The following FASTKD1 variants were observed in gnomAD, a reference collection of about 807,000 sequenced individuals.
FASTKD1 encodes FAST kinase domain-containing protein 1, mitochondrial.
Under a neutral mutation model 90.9 loss-of-function variants are expected in FASTKD1, and 94 were observed. That is an observed-to-expected ratio of 1.03 (90% confidence interval 0.88 to 1.23). FASTKD1 has a LOEUF of 1.23. Ranked by LOEUF, FASTKD1 falls within the 50% of genes most tolerant of loss-of-function variation. FASTKD1 has a pLI of 0.00. For synonymous variants in FASTKD1, 319 were observed against 345.8 expected (o/e 0.92, Z 0.86); for missense variants, 945 against 993.5 (o/e 0.95, Z 0.66).
intron 1 of FASTKD1, chr2:169,573,213 C>T (rs984390655): frequency 6.6e-6 from 1 of 152,174 alleles, no homozygotes; most frequent in African/African-American, 2.4e-5. Context: ...GAAAAAACGA[C>T]GCGACAGTAC....
chr2:169,569,070 T>G (rs1684120985), intron 3 of FASTKD1, 114 bp downstream of exon 3: 2 of 844,056 alleles, frequency 2.4e-6, no homozygotes, highest in Admixed American at 4.5e-5. Flanking sequence ...TTAAATACAT[T>G]TTTTTCAGTG....
intron 7 of FASTKD1, 140 bp downstream of exon 7, chr2:169,554,984 G>A (rs1683228438): frequency 1.4e-6 from 1 of 723,102 alleles, no homozygotes; most frequent in Non-Finnish European, 2.2e-6. Context: ...GCCACGGAGG[G>A]AGATAGTGTC....
intron 7 of FASTKD1, among the ~76,000 whole-genome samples, chr2:169,551,067 C>T (rs146495570): frequency 3.9e-5 from 6 of 152,232 alleles, no homozygotes; most frequent in African/African-American, 1.4e-4. Flanking sequence ...AACATACCCA[C>T]CAGAACAGCT....
At position 169,557,312 on chromosome 2, in the gene FASTKD1, A is replaced by C; in HGVS notation, c.972-15T>G. On this transcript the variant is annotated splice_polypyrimidine_tract_variant and intron_variant, in intron 5 of 14. Coordinates refer to ENST00000453153, the MANE Select transcript of FASTKD1 (RefSeq NM_024622.6). ...TTGATTTAAGTCTAGAAGCAAAAAA[A>C]AAAAAGTTTTTGGTTGAAAGACTGA... The C allele has an allele frequency of 6.6e-7, 1 of 1,514,412 alleles. No individual in the cohort carries two copies. Among genetic ancestry groups the C allele is most frequent in the East Asian group, 2.3e-5 (1 of 43,142 alleles). 93.8% of individuals were successfully genotyped at this position (1,514,412 alleles called of 1,614,324 possible).
chr2:169,542,180 A>G (rs534313849), intron 9 of FASTKD1, among the ~76,000 whole-genome samples: 1 of 152,022 alleles, frequency 6.6e-6, no homozygotes, highest in Admixed American at 6.6e-5. Flanking sequence ...GTTTATGTCA[A>G]TCTCCCCCTA....
chr2:169,562,071 AAAT>A lies in FASTKD1; in HGVS notation c.572+1151_572+1153del, dbSNP rs1184062524. Among the ~76,000 whole-genome samples, 10 of 120,948 alleles carry A rather than the reference AAAT, an allele frequency of 8.3e-5. 3 individuals are homozygous for A. The highest frequency in any genetic ancestry group is 7.3e-4 in the South Asian group (3 of 4,130). 79.3% of individuals were successfully genotyped at this position (120,948 alleles called of 152,430 possible). A position where few individuals can be genotyped will look rare whatever the true frequency, so the allele number is the denominator to read the frequency against. ...ATTAATTATTTATTAATTTATTGTA[AAAT>A]AATTATTTATTAATTTATTGTAAAA... On this transcript the variant is annotated intron_variant, in intron 4 of 14. Transcript: ENST00000453153.
chr2:169,541,788 G>A (rs756162927), intron 9 of FASTKD1, among the ~76,000 whole-genome samples: 10 of 152,040 alleles, frequency 6.6e-5, no homozygotes, highest in African/African-American at 2.2e-4. Flanking sequence ...TACTCTCCAG[G>A]CAGAGCAAAA....
At chr2:169,573,392 TCCCCAGCTTTG>T (rs1377061197) in intron 1 of FASTKD1, 1 of 152,088 alleles carries the variant, frequency 6.6e-6, no homozygotes, top group East Asian at 1.9e-4. Flanking sequence ...AGGTGTCGAG[TCCCCAGCTTTG>T]CCCCAGCTGA....
intron 12 of FASTKD1, among the ~76,000 whole-genome samples, chr2:169,534,104 G>A (rs909948525): frequency 7.0e-6 from 1 of 142,164 alleles, no homozygotes; most frequent in Non-Finnish European, 1.5e-5. Context: ...TCTGGAGGCA[G>A]AGGTTGCAAT....
At chr2:169,571,451 T>C (rs1684225610) in intron 2 of FASTKD1, among the ~76,000 whole-genome samples, 1 of 148,800 alleles carries the variant, frequency 6.7e-6, no homozygotes, top group Non-Finnish European at 1.5e-5. Context: ...GTAGTCCCAT[T>C]GACTCGGAAG....
chr2:169,542,812 AT>A (rs1177049482), intron 9 of FASTKD1, among the ~76,000 whole-genome samples: 1 of 152,318 alleles, frequency 6.6e-6, no homozygotes, highest in Non-Finnish European at 1.5e-5. Flanking sequence ...CTTAAGAAAC[AT>A]TTTTTTACTT....
intron 1 of FASTKD1, among the ~76,000 whole-genome samples, chr2:169,572,468 AAAAT>A (rs529246811): frequency 1.3e-5 from 2 of 151,958 alleles, no homozygotes; most frequent in African/African-American, 4.8e-5. Flanking sequence ...AAAATTGTTT[AAAAT>A]AAATAATCAC....
At chr2:169,553,454 T>A (rs1206663933) in intron 7 of FASTKD1, among the ~76,000 whole-genome samples, 1 of 152,070 alleles carries the variant, frequency 6.6e-6, no homozygotes, top group Non-Finnish European at 1.5e-5. Flanking sequence ...AAGAAAATTA[T>A]TTTTCAAGAA....
At chr2:169,566,298 G>A (rs1683982159) in intron 3 of FASTKD1, among the ~76,000 whole-genome samples, 1 of 152,106 alleles carries the variant, frequency 6.6e-6, no homozygotes, top group South Asian at 2.1e-4. Flanking sequence ...AAAATATACT[G>A]AAGTATACTG....
At chr2:169,537,988 T>A in intron 11 of FASTKD1, 25 bp downstream of exon 11, 1 of 1,577,276 alleles carries the variant, frequency 6.3e-7, no homozygotes. Flanking sequence ...CAAACTTTGC[T>A]ATCTGACTAA....
intron 5 of FASTKD1, 127 bp from the exon 6 acceptor site, chr2:169,557,424 A>C: frequency 5.7e-6 from 3 of 523,484 alleles, no homozygotes; most frequent in Non-Finnish European, 6.7e-6. Flanking sequence ...CCAATATATA[A>C]TTCTAGTGTT....
At chr2:169,546,794 G>A in intron 7 of FASTKD1, 90 bp from the exon 8 acceptor site, 1 of 1,268,060 alleles carries the variant, frequency 7.9e-7, no homozygotes, top group South Asian at 1.6e-5. Context: ...ACAATTAATA[G>A]GTAAGATGAT....
chr2:169,565,394 C>G (rs1413868303), intron 3 of FASTKD1, among the ~76,000 whole-genome samples: 2 of 150,672 alleles, frequency 1.3e-5, no homozygotes, highest in Non-Finnish European at 2.9e-5. Flanking sequence ...TCAGGAGTAG[C>G]TGGGACTATA....
intron 7 of FASTKD1, among the ~76,000 whole-genome samples, chr2:169,553,079 T>C (rs186373544): frequency 1.3e-5 from 2 of 151,814 alleles, no homozygotes; most frequent in Non-Finnish European, 2.9e-5. Context: ...TGGTGCCTCA[T>C]GCCTGTAATC....
Sources: allele counts gnomAD v4.1 joint callset (sites outside exome capture counted in the v4.1 genomes callset), GRCh38; gene constraint gnomAD v4.1.1; transcripts MANE v1.5; gene names NCBI Gene and HGNC (gene_info 2026-07-23, HGNC 2026-07-21).